Variants in ABCA13 observed in about 807,000 individuals in gnomAD.
The protein encoded by ABCA13 is ATP binding cassette subfamily A member 13, also known as ATP-binding cassette sub-family A member 13.
Under a neutral mutation model 478.7 loss-of-function variants are expected in ABCA13, and 476 were observed. That is an observed-to-expected ratio of 0.99 (90% CI 0.92 to 1.07). ABCA13 has a LOEUF of 1.07. Among genes scored for constraint, ABCA13 ranks in the 50% least tolerant of loss-of-function variants. ABCA13 has a pLI of 0.00. For missense variants in ABCA13, 6,060 were observed against 5,910.6 expected, an observed-to-expected ratio of 1.03 and a Z score of -0.83; for synonymous variants, 2,252 against 2,158.9, an observed-to-expected ratio of 1.04 and a Z score of -1.20.
At position 48,387,951 on chromosome 7, in the gene ABCA13, A is replaced by G. The variant is rs867621836; in HGVS notation, c.11465A>G (p.Asp3822Gly). The G allele has an allele frequency of 2.5e-6, 4 of 1,606,052 alleles. No individual in the cohort carries two copies. In the African/African-American group the frequency reaches 5.4e-5, roughly 22 times the overall value. The change falls in exon 36 of 62, where the codon GAC becomes GGC. Residue 3822 changes from aspartate (D) to glycine (G), a missense_variant. Asp to Gly is a moderately conservative substitution (Grantham distance 94, BLOSUM62 -1). Transcript: ENST00000435803. Reference sequence around the variant, plus strand: ...CTGTTCTTCTTCAATGAGAACTTTGACAATAAAGGTTTGTAAGGAGTAGAA... The same window carrying G: ...CTGTTCTTCTTCAATGAGAACTTTGGCAATAAAGGTTTGTAAGGAGTAGAA... ...SSLFFFNENFDNKGSSLQNRE... is the reference protein window; with the variant it reads ...SSLFFFNENFGNKGSSLQNRE...
intron 39 of ABCA13, among the ~76,000 whole-genome samples, chr7:48,409,173 G>C (rs1278873755): frequency 6.6e-6 from 1 of 152,202 alleles, no homozygotes; most frequent in Non-Finnish European, 1.5e-5. Context: ...ATCAGTCAAT[G>C]AGTTTCTTTC....
intron 31 of ABCA13, among the ~76,000 whole-genome samples, chr7:48,366,195 C>T (rs1811642105): frequency 1.3e-5 from 2 of 152,096 alleles, no homozygotes; most frequent in Admixed American, 1.3e-4. Flanking sequence ...GACCTGATGG[C>T]TTCACTGTGA....
intron 11 of ABCA13, among the ~76,000 whole-genome samples, chr7:48,245,071 C>T (rs568745013): frequency 1.3e-5 from 2 of 152,266 alleles, no homozygotes; most frequent in South Asian, 4.2e-4. Context: ...GTATTCTGTT[C>T]CTTCTACTGC....
At chr7:48,354,055 T>TCATG (rs1399779510) in intron 31 of ABCA13, among the ~76,000 whole-genome samples, 3 of 152,054 alleles carry the variant, frequency 2.0e-5, no homozygotes, top group African/African-American at 7.3e-5. Context: ...TGGCTAGTTG[T>TCATG]CATGCACAGA....
At chr7:48,368,343 A>T (rs927157625) in intron 32 of ABCA13, among the ~76,000 whole-genome samples, 9 of 152,046 alleles carry the variant, frequency 5.9e-5, no homozygotes, top group Admixed American at 1.3e-4. Flanking sequence ...TTTGGGGAAC[A>T]GGTGGTGTTT....
intron 26 of ABCA13, 138 bp downstream of exon 26, chr7:48,314,547 A>G (rs1056928810): frequency 8.8e-6 from 7 of 795,558 alleles, no homozygotes; most frequent in African/African-American, 7.1e-5. Flanking sequence ...CACCTCCCCA[A>G]ATGCTGGCAT....
intron 58 of ABCA13, among the ~76,000 whole-genome samples, chr7:48,598,809 A>G (rs916837315): frequency 6.6e-6 from 1 of 151,958 alleles, no homozygotes; most frequent in African/African-American, 2.4e-5. Context: ...TAAAAATTTT[A>G]GAATTTTGGC....
intron 31 of ABCA13, among the ~76,000 whole-genome samples, chr7:48,365,185 T>A (rs866506702): frequency 6.6e-6 from 1 of 152,202 alleles, no homozygotes; most frequent in Non-Finnish European, 1.5e-5. Flanking sequence ...TATATTTGTA[T>A]AACTGTTGGC....
Position 48,520,021 on chromosome 7 carries a change from T to C in ABCA13, c.13798-20T>C, listed in dbSNP as rs772273109. ...GGAATAGCTTTTAATTGGATTTTTT[T>C]TCTTTTTTTCACTGTGCAGAATTTA... On this transcript the variant is annotated intron_variant, in intron 52 of 61. Coordinates refer to ENST00000435803, the MANE Select transcript of ABCA13 (RefSeq NM_152701.5). The C allele has an allele frequency of 1.9e-6, 3 of 1,577,464 alleles. No individual in the cohort carries two copies. The Admixed American group carries it at 5.5e-5, about 29-fold the overall frequency.
chr7:48,645,442 A>T lies in ABCA13; in HGVS notation c.15107A>T (p.Gln5036Leu). The T allele has an allele frequency of 6.3e-7, 1 of 1,580,952 alleles. No homozygotes were observed. Among genetic ancestry groups the T allele is most frequent in the Non-Finnish European group, 8.6e-7 (1 of 1,162,024 alleles). Reference sequence around the variant, plus strand: ...GTATTTATTAATTTTGCTTCTGAGCAGCAGCAAACTCTACAATCTACTCTT... The same window carrying T: ...GTATTTATTAATTTTGCTTCTGAGCTGCAGCAAACTCTACAATCTACTCTT... ...EQVFINFASEQQQTLQSTLDP... is the reference protein window; with the variant it reads ...EQVFINFASELQQTLQSTLDP... Residue 5036 changes from glutamine (Q) to leucine (L), a missense_variant, in exon 62 of 62, where the codon CAG becomes CTG. Gln to Leu is a moderately radical substitution (Grantham distance 113, BLOSUM62 -2). This residue lies in a region of ABCA13 where 1,627 missense variants were observed against 1,571.0 expected (regional missense o/e 1.04). Coordinates refer to ENST00000435803, the MANE Select transcript of ABCA13 (RefSeq NM_152701.5).
chr7:48,222,461 G>A (rs954549295), intron 5 of ABCA13, among the ~76,000 whole-genome samples: 2 of 152,178 alleles, frequency 1.3e-5, no homozygotes, highest in African/African-American at 4.8e-5. Context: ...TTAATGTTAT[G>A]TATAATACAA....
intron 5 of ABCA13, among the ~76,000 whole-genome samples, chr7:48,222,444 C>T (rs2128970212): frequency 6.6e-6 from 1 of 152,128 alleles, no homozygotes; most frequent in African/African-American, 2.4e-5. Flanking sequence ...TGTAATTGTT[C>T]TGAAAATTAA....
intron 48 of ABCA13, 80 bp downstream of exon 48, chr7:48,489,424 C>T (rs372513909): frequency 6.2e-6 from 8 of 1,298,890 alleles, no homozygotes; most frequent in South Asian, 5.9e-5. Flanking sequence ...AGAAAAGTTT[C>T]TGAATAGAAA....
In ABCA13 at chr7:48,274,059, G is replaced by C. The variant is rs1795972968; in HGVS notation, c.4393G>C (p.Asp1465His). 1 of 1,605,598 alleles carries C rather than the reference G, an allele frequency of 6.2e-7. No homozygotes were observed. Among genetic ancestry groups the C allele is most frequent in the Non-Finnish European group, 8.5e-7 (1 of 1,174,736 alleles). Residue 1465 changes from aspartate (D) to histidine (H), a missense_variant, in exon 17 of 62, where the codon GAT (aspartate) becomes CAT (histidine). Transcript: ENST00000435803. ...HINCVNIYLK[D>H]VTDFLNIVLT... Reference sequence around the variant, plus strand: ...AAATTGTGTCAATATTTACTTGAAAGATGTAACTGACTTTCTAAATATTGT... The same window carrying C: ...AAATTGTGTCAATATTTACTTGAAACATGTAACTGACTTTCTAAATATTGT...
At chr7:48,400,192 A>G (rs2129069132) in intron 38 of ABCA13, among the ~76,000 whole-genome samples, 1 of 152,144 alleles carries the variant, frequency 6.6e-6, no homozygotes, top group Non-Finnish European at 1.5e-5. Flanking sequence ...CTACTTACCT[A>G]TACTCTTATT....
At chr7:48,374,299 C>G (rs764119449) in intron 33 of ABCA13, 48 bp from the exon 34 acceptor site, 2 of 1,536,452 alleles carry the variant, frequency 1.3e-6, no homozygotes, top group South Asian at 2.5e-5. Context: ...TTCTGTGGTC[C>G]CAATCAAAAC....
chr7:48,208,467 C>T (rs540307032), intron 3 of ABCA13, among the ~76,000 whole-genome samples: 12 of 152,066 alleles, frequency 7.9e-5, no homozygotes, highest in Admixed American at 7.2e-4. Flanking sequence ...TTTTGTGTGT[C>T]CTCTTCAATT....
intron 42 of ABCA13, among the ~76,000 whole-genome samples, chr7:48,453,253 G>A (rs1194096693): frequency 7.1e-6 from 1 of 140,644 alleles, no homozygotes; most frequent in African/African-American, 2.6e-5. Context: ...TTTTTTTTCT[G>A]AGATAGGGCC....
chr7:48,438,886 T>TTTGTTTTG (rs1378637286), intron 42 of ABCA13, among the ~76,000 whole-genome samples: 5 of 145,248 alleles, frequency 3.4e-5, no homozygotes, highest in Non-Finnish European at 6.0e-5. Context: ...TTGCTAAGGT[T>TTTGTTTTG]TTTTTTTTTT....
Sources: allele counts gnomAD v4.1 joint callset (sites outside exome capture counted in the v4.1 genomes callset), GRCh38; gene constraint gnomAD v4.1.1; regional missense constraint gnomAD v4.1.1; transcripts MANE v1.5; gene names NCBI Gene and HGNC (gene_info 2026-07-23, HGNC 2026-07-21).